TENM1: variants seen among roughly 807,000 people sequenced by gnomAD.
TENM1 encodes the protein teneurin-1.
Under a neutral mutation model 174.8 loss-of-function variants are expected in TENM1, and 35 were observed. The ratio of observed to expected loss-of-function variants is 0.20; its 90% CI spans 0.15 to 0.27. The LOEUF is 0.27. TENM1 is among the 10% of genes least tolerant of loss of function. The pLI, the probability that TENM1 is intolerant of heterozygous loss-of-function variation, is 1.00. For synonymous variants in TENM1, 781 were observed against 798.7 expected, an observed-to-expected ratio of 0.98 and a Z score of 0.37; for missense variants, 1,633 against 2,130.1, an observed-to-expected ratio of 0.77 and a Z score of 4.59.
the TENM1 span, among the ~76,000 whole-genome samples, chrX:125,013,933 TA>T: frequency 9.0e-6 from 1 of 111,712 alleles, no homozygotes; most frequent in Admixed American, 9.5e-5. Flanking sequence ...GTTATTTGGA[TA>T]AAAATTAAAC....
At chrX:125,005,389 TC>T in the TENM1 span, among the ~76,000 whole-genome samples, 4 of 102,153 alleles carry the variant, frequency 3.9e-5, no homozygotes, top group Admixed American at 1.1e-4. Context: ...TATTAAACAA[TC>T]TTTTGACCTG....
intron 11 of TENM1, among the ~76,000 whole-genome samples, chrX:124,576,312 G>T (rs1300947546): frequency 1.8e-5 from 2 of 111,776 alleles, no homozygotes; most frequent in Admixed American, 9.4e-5. Flanking sequence ...CACCTGCCTC[G>T]GCCTCCCAAA....
At chrX:125,193,612 A>G in the TENM1 span, among the ~76,000 whole-genome samples, 1 of 111,055 alleles carries the variant, frequency 9.0e-6, no homozygotes, top group African/African-American at 3.3e-5. Context: ...CATGAACTTG[A>G]CTACCTGTGG....
the TENM1 span, among the ~76,000 whole-genome samples, chrX:125,171,470 T>C: frequency 9.0e-6 from 1 of 110,772 alleles, no homozygotes; most frequent in Admixed American, 9.7e-5. Context: ...CCACTCTAAA[T>C]TCGTATGTTG....
chrX:124,997,953 A>T, the TENM1 span, among the ~76,000 whole-genome samples: 5 of 110,355 alleles, frequency 4.5e-5, no homozygotes, highest in Non-Finnish European at 7.6e-5. Context: ...CAAGGCAATG[A>T]TCCTTGCATT....
At chrX:125,087,543 A>G in the TENM1 span, among the ~76,000 whole-genome samples, 5 of 111,306 alleles carry the variant, frequency 4.5e-5, no homozygotes, top group African/African-American at 1.6e-4. Context: ...GCTTTGTCTG[A>G]TCAGCTGTGA....
At chrX:124,753,794 T>C (rs1253331988) in intron 3 of TENM1, among the ~76,000 whole-genome samples, 4 of 112,080 alleles carry the variant, frequency 3.6e-5, no homozygotes, top group South Asian at 7.5e-4. Context: ...ATTACATTTA[T>C]TGATTTGCGT....
intron 18 of TENM1, among the ~76,000 whole-genome samples, chrX:124,513,983 C>A (rs1173678267): frequency 9.0e-6 from 1 of 111,324 alleles, no homozygotes; most frequent in East Asian, 2.8e-4. Context: ...GATTCTAGGA[C>A]TTGGGGGAGG....
chrX:125,091,845 C>T, the TENM1 span, among the ~76,000 whole-genome samples: 2 of 107,912 alleles, frequency 1.9e-5, no homozygotes, highest in Admixed American at 9.9e-5. Context: ...ATTAGCCAGG[C>T]GTGGTGGTGC....
intron 15 of TENM1, among the ~76,000 whole-genome samples, chrX:124,541,746 G>A (rs955486279): frequency 1.8e-5 from 2 of 112,060 alleles, no homozygotes; most frequent in East Asian, 5.6e-4. Context: ...TGGGGATACA[G>A]TGGTATCATA....
intron 27 of TENM1, among the ~76,000 whole-genome samples, chrX:124,403,875 C>T (rs1193491428): frequency 9.0e-6 from 1 of 111,506 alleles, no homozygotes; most frequent in Non-Finnish European, 1.9e-5. Flanking sequence ...CTGCTACCTG[C>T]TCTGCCCTGA....
At chrX:124,520,283 A>G (rs968018505) in intron 18 of TENM1, among the ~76,000 whole-genome samples, 1 of 111,884 alleles carries the variant, frequency 8.9e-6, no homozygotes, top group Non-Finnish European at 1.9e-5. Context: ...CAGATATTGC[A>G]TGAGTCCATT....
intron 11 of TENM1, among the ~76,000 whole-genome samples, chrX:124,633,892 C>G (rs2050818119): frequency 9.0e-6 from 1 of 111,484 alleles, no homozygotes; most frequent in Non-Finnish European, 1.9e-5. Context: ...AATTGTATTT[C>G]TAGTGCCACC....
At chrX:125,199,260 A>G in the TENM1 span, among the ~76,000 whole-genome samples, 3 of 111,927 alleles carry the variant, frequency 2.7e-5, no homozygotes, top group South Asian at 1.1e-3. Context: ...GTGCAGTCAC[A>G]TATTTGGGTG....
chrX:125,132,536 GA>G, the TENM1 span, among the ~76,000 whole-genome samples: 1 of 112,178 alleles, frequency 8.9e-6, no homozygotes, highest in African/African-American at 3.2e-5. Flanking sequence ...CATCTGGATA[GA>G]GGGGGTAAGG....
At chrX:125,060,088 C>T in the TENM1 span, among the ~76,000 whole-genome samples, 1 of 108,871 alleles carries the variant, frequency 9.2e-6, no homozygotes, top group East Asian at 2.9e-4. Context: ...GGTTTCCAAG[C>T]CCCATAACTG....
chrX:124,560,138 T>C (rs1216916709), intron 14 of TENM1, among the ~76,000 whole-genome samples: 3 of 109,189 alleles, frequency 2.7e-5, no homozygotes, highest in Admixed American at 9.8e-5. Context: ...CAAAACAAGG[T>C]TTTCAAGTTA....
the TENM1 span, among the ~76,000 whole-genome samples, chrX:125,147,054 GTA>G: frequency 1.8e-5 from 2 of 108,297 alleles, no homozygotes; most frequent in East Asian, 2.9e-4. Flanking sequence ...GTCTGTGTGT[GTA>G]TATATATCTT....
chrX:124,680,125 A>G (rs780142950), intron 5 of TENM1, among the ~76,000 whole-genome samples: 1 of 111,954 alleles, frequency 8.9e-6, no homozygotes, highest in South Asian at 3.7e-4. Context: ...GCCATGATGA[A>G]ACATTAAAAT....
Sources: allele counts gnomAD v4.1 joint callset (sites outside exome capture counted in the v4.1 genomes callset), GRCh38; gene constraint gnomAD v4.1.1; transcripts MANE v1.5; gene names NCBI Gene and HGNC (gene_info 2026-07-23, HGNC 2026-07-21).